TRAF3: variants seen among roughly 807,000 people sequenced by gnomAD.
The protein encoded by TRAF3 is TNF receptor associated factor 3.
TRAF3 carries 13 observed loss-of-function variants against 62.3 expected under a neutral mutation model. The observed-to-expected ratio is 0.21, with a 90% CI of 0.14 to 0.33. The LOEUF (loss-of-function observed/expected upper bound fraction) is 0.33. Among genes scored for constraint, TRAF3 ranks in the 10% least tolerant of loss-of-function variants. The pLI is 1.00. For missense variants in TRAF3, 440 were observed against 741.8 expected (o/e 0.59, Z 4.73); for synonymous variants, 269 against 283.4 (o/e 0.95, Z 0.51).
At chr14:102,879,477 C>T (rs1419083908) in intron 6 of TRAF3, among the ~76,000 whole-genome samples, 5 of 151,882 alleles carry the variant, frequency 3.3e-5, no homozygotes, top group Non-Finnish European at 5.9e-5. Flanking sequence ...AGTCTGGTCT[C>T]AAAACTCCTG....
intron 1 of TRAF3, among the ~76,000 whole-genome samples, chr14:102,820,614 A>ATTTTTTT (rs57149106): frequency 5.6e-5 from 1 of 17,924 alleles, no homozygotes; most frequent in African/African-American, 5.9e-4. Context: ...ATATATATAT[A>ATTTTTTT]TTTTTTTTTT....
intron 1 of TRAF3, among the ~76,000 whole-genome samples, chr14:102,815,081 G>A (rs1043164421): frequency 2.0e-5 from 3 of 152,076 alleles, no homozygotes; most frequent in Non-Finnish European, 4.4e-5. Flanking sequence ...GGCTACAGGC[G>A]GTACCATTAT....
At chr14:102,820,615 T>TATA (rs1276138493) in intron 1 of TRAF3, among the ~76,000 whole-genome samples, 3 of 15,828 alleles carry the variant, frequency 1.9e-4, no homozygotes, top group Non-Finnish European at 2.5e-4. Flanking sequence ...TATATATATA[T>TATA]TTTTTTTTTT....
intron 1 of TRAF3, among the ~76,000 whole-genome samples, chr14:102,811,475 C>T (rs974974451): frequency 2.0e-5 from 3 of 151,282 alleles, no homozygotes; most frequent in Admixed American, 2.0e-4. Context: ...AGGCCCGTGC[C>T]GCCATGCCTG....
chr14:102,862,401 CAA>C (rs34141177), intron 2 of TRAF3, among the ~76,000 whole-genome samples: 208 of 107,816 alleles, frequency 1.9e-3, no homozygotes, highest in Middle Eastern at 5.5e-3. Context: ...ATCCCTTCTC[CAA>C]AAAAAAAAAA....
intron 10 of TRAF3, among the ~76,000 whole-genome samples, chr14:102,898,832 C>A (rs1890132113): frequency 6.6e-6 from 1 of 152,170 alleles, no homozygotes; most frequent in Non-Finnish European, 1.5e-5. Flanking sequence ...TACTTGAAAA[C>A]TTTTGTGATT....
At chr14:102,825,084 G>C (rs1259222817) in intron 1 of TRAF3, among the ~76,000 whole-genome samples, 1 of 152,226 alleles carries the variant, frequency 6.6e-6, no homozygotes, top group Non-Finnish European at 1.5e-5. Context: ...TGGTTAGGAG[G>C]AGTCAGTGCC....
At chr14:102,849,305 A>G (rs1337919717) in intron 2 of TRAF3, among the ~76,000 whole-genome samples, 2 of 152,216 alleles carry the variant, frequency 1.3e-5, no homozygotes, top group East Asian at 3.9e-4. Flanking sequence ...ACCTAGGGGA[A>G]GCCTCCATCT....
chr14:102,908,243 C>T lies in TRAF3; in HGVS notation c.*2459C>T, dbSNP rs975881984. Reference sequence around the variant, plus strand: ...GGGGCCCACCTGAGGGTCCCACAGACGTAACCTGAGTGACAGGAGTCCTTG... The same window carrying T: ...GGGGCCCACCTGAGGGTCCCACAGATGTAACCTGAGTGACAGGAGTCCTTG... On this transcript the variant is annotated 3_prime_UTR_variant, in exon 12 of 12. Transcript: ENST00000392745. The T allele has an allele frequency of 2.6e-5, 4 of 152,330 alleles. No individual in the cohort carries two copies. The highest frequency in any genetic ancestry group is 2.1e-4 in the South Asian group (1 of 4,838). The allele number at this position is 152,330 out of a possible 1,614,324, so 9.4% of individuals were successfully genotyped here.
At chr14:102,835,882 G>A (rs1380604418) in intron 2 of TRAF3, among the ~76,000 whole-genome samples, 1 of 152,104 alleles carries the variant, frequency 6.6e-6, no homozygotes, top group African/African-American at 2.4e-5. Context: ...TAACAAACCT[G>A]CACATGTACT....
intron 1 of TRAF3, among the ~76,000 whole-genome samples, chr14:102,799,922 TG>T (rs1301034287): frequency 2.0e-5 from 3 of 152,206 alleles, no homozygotes; most frequent in Non-Finnish European, 1.5e-5. Context: ...CCCCAGAACC[TG>T]GGATGGCTGG....
intron 2 of TRAF3, among the ~76,000 whole-genome samples, chr14:102,845,788 T>A (rs1226600432): frequency 2.0e-5 from 3 of 151,748 alleles, no homozygotes; most frequent in Non-Finnish European, 4.4e-5. Flanking sequence ...AGTGCTGGGA[T>A]TACAGGTGTG....
intron 10 of TRAF3, among the ~76,000 whole-genome samples, chr14:102,902,267 G>A (rs1470357101): frequency 6.6e-6 from 1 of 152,216 alleles, no homozygotes; most frequent in Non-Finnish European, 1.5e-5. Flanking sequence ...AGCTGGAGGG[G>A]GAAGACCCCT....
chr14:102,855,560 C>T (rs1046802802), intron 2 of TRAF3, among the ~76,000 whole-genome samples: 2 of 152,110 alleles, frequency 1.3e-5, no homozygotes, highest in Non-Finnish European at 2.9e-5. Context: ...CTTTGGGAGG[C>T]CGAGGCAGGC....
chr14:102,827,233 T>C lies in TRAF3; in HGVS notation c.-156-3101T>C, dbSNP rs540808191. On this transcript the variant is annotated intron_variant, in intron 1 of 11. Transcript: ENST00000392745. ...CTTCCTCCTGTGCGGTGCCAAGCCCTCCTCCACCACGCATGATGGTGTGTT... is the reference window on the plus strand; with the variant it reads ...CTTCCTCCTGTGCGGTGCCAAGCCCCCCTCCACCACGCATGATGGTGTGTT... 4.7e-4 allele frequency among the ~76,000 whole-genome samples: 71 copies of C among 152,306 alleles called. 2 individuals carry two copies. The South Asian group carries it at 9.5e-3, about 20-fold the overall frequency.
intron 6 of TRAF3, among the ~76,000 whole-genome samples, chr14:102,881,080 T>TC (rs1436613908): frequency 6.6e-6 from 1 of 150,558 alleles, no homozygotes; most frequent in Non-Finnish European, 1.5e-5. Context: ...AGAGCGAAAC[T>TC]CCGTCTCAAA....
At chr14:102,792,964 C>G (rs1566739198) in intron 1 of TRAF3, among the ~76,000 whole-genome samples, 1 of 151,858 alleles carries the variant, frequency 6.6e-6, no homozygotes, top group Non-Finnish European at 1.5e-5. Context: ...CATGCACCAT[C>G]ATGCCTGGCT....
At chr14:102,861,929 A>G (rs1210106727) in intron 2 of TRAF3, among the ~76,000 whole-genome samples, 5 of 152,180 alleles carry the variant, frequency 3.3e-5, no homozygotes, top group South Asian at 2.1e-4. Flanking sequence ...AGTGCTTTAT[A>G]TATATCCTGG....
chr14:102,794,728 G>C (rs1897976581), intron 1 of TRAF3, among the ~76,000 whole-genome samples: 2 of 152,166 alleles, frequency 1.3e-5, no homozygotes, highest in African/African-American at 4.8e-5. Context: ...GATTAAAATG[G>C]AAATGCCAAC....
Sources: allele counts gnomAD v4.1 joint callset (sites outside exome capture counted in the v4.1 genomes callset), GRCh38; gene constraint gnomAD v4.1.1; transcripts MANE v1.5; gene names NCBI Gene and HGNC (gene_info 2026-07-23, HGNC 2026-07-21).